Variants in STK24 observed in about 807,000 individuals in gnomAD.
The protein encoded by STK24 is serine/threonine-protein kinase 24.
STK24 carries 21 observed loss-of-function variants against 55.6 expected under a neutral mutation model. That is an observed-to-expected ratio of 0.38 (90% CI 0.27 to 0.54). The LOEUF (loss-of-function observed/expected upper bound fraction) is 0.54. STK24 is among the 20% of genes least tolerant of loss of function. The pLI is 0.79. For missense variants in STK24, 383 were observed against 538.4 expected (o/e 0.71, Z 2.86); for synonymous variants, 200 against 215.2 (o/e 0.93, Z 0.62).
intron 9 of STK24, among the ~76,000 whole-genome samples, chr13:98,458,560 C>T (rs1244977303): frequency 6.6e-6 from 1 of 152,118 alleles, no homozygotes; most frequent in Non-Finnish European, 1.5e-5. Flanking sequence ...CCGCCGGCCC[C>T]GAGGCGGCCA....
chr13:98,482,832 G>A (rs1189320400), intron 2 of STK24, among the ~76,000 whole-genome samples: 6 of 152,188 alleles, frequency 3.9e-5, no homozygotes, highest in African/African-American at 2.4e-5. Flanking sequence ...GGGCCGCCTA[G>A]CGTGGCCTCC....
chr13:98,483,404 A>G (rs1379761633), intron 2 of STK24, among the ~76,000 whole-genome samples: 5 of 152,168 alleles, frequency 3.3e-5, no homozygotes, highest in Non-Finnish European at 7.4e-5. Flanking sequence ...GAGGAAAAAA[A>G]AAGAAGAAAC....
At chr13:98,456,354 C>T in intron 10 of STK24, 1 of 392,416 alleles carries the variant, frequency 2.5e-6, no homozygotes, top group African/African-American at 2.1e-5. Flanking sequence ...GAGTCTCAGC[C>T]AGCTTTGGGA....
At chr13:98,457,810 G>A (rs138669955) in intron 9 of STK24, among the ~76,000 whole-genome samples, 94 of 152,296 alleles carry the variant, frequency 6.2e-4, no homozygotes, top group African/African-American at 2.2e-3. Flanking sequence ...TGCTCTGAGA[G>A]CAGTTATGTA....
chr13:98,575,397 G>A (rs959360477), intron 1 of STK24, among the ~76,000 whole-genome samples: 1 of 124,054 alleles, frequency 8.1e-6, no homozygotes, highest in African/African-American at 3.0e-5. Context: ...TATATATACT[G>A]CTTATATATA....
chr13:98,502,391 C>G (rs988181972), intron 2 of STK24, among the ~76,000 whole-genome samples: 6 of 152,154 alleles, frequency 3.9e-5, no homozygotes, highest in Non-Finnish European at 7.4e-5. Flanking sequence ...GTCTTAGGAT[C>G]AAGTGGGAAC....
At chr13:98,503,419 A>G (rs897439541) in intron 2 of STK24, among the ~76,000 whole-genome samples, 4 of 152,246 alleles carry the variant, frequency 2.6e-5, no homozygotes, top group African/African-American at 9.6e-5. Flanking sequence ...CTGAAGCTAG[A>G]ATTCATTTGG....
intron 1 of STK24, among the ~76,000 whole-genome samples, chr13:98,536,970 G>A (rs1030600248): frequency 4.6e-5 from 7 of 152,052 alleles, no homozygotes; most frequent in African/African-American, 7.3e-5. Flanking sequence ...ACACTGGCCG[G>A]AGCCCGCCCC....
chr13:98,466,487 G>A lies in STK24; in HGVS notation c.672C>T (p.Pro224=), dbSNP rs764146591. ...TTGGAATGAGGAATAAAACTTTCAT[G>A]GGGTGCAGCTCGGAATGAGGTGGTT... ...RGEPPHSELH[P]MKVLFLIPKN... is the part of the protein sequence containing the mutation. The change falls in exon 6 of 11, where the codon CCC becomes CCT. Residue 224 remains proline (P), a synonymous_variant. Transcript: ENST00000539966. 1 of 1,613,992 alleles carries A rather than the reference G, an allele frequency of 6.2e-7. No individual in the cohort carries two copies. Among genetic ancestry groups the A allele is most frequent in the African/African-American group, 1.3e-5 (1 of 74,914 alleles).
chr13:98,502,249 T>C (rs1246869018), intron 2 of STK24, among the ~76,000 whole-genome samples: 1 of 152,178 alleles, frequency 6.6e-6, no homozygotes, highest in Admixed American at 6.5e-5. Context: ...ATCTGCTATG[T>C]TCCTATCTGC....
intron 3 of STK24, 133 bp from the exon 4 acceptor site, chr13:98,475,491 T>C: frequency 1.6e-6 from 1 of 626,270 alleles, no homozygotes; most frequent in East Asian, 2.9e-5. Context: ...TTAAAACACA[T>C]GATTTTGCCC....
intron 5 of STK24, among the ~76,000 whole-genome samples, chr13:98,473,669 G>A (rs1594587446): frequency 6.6e-6 from 1 of 152,240 alleles, no homozygotes; most frequent in East Asian, 1.9e-4. Flanking sequence ...GGGGGGTGGG[G>A]GAACCCATCA....
chr13:98,503,024 G>GTTTTTATTTTTT (rs1895540930), intron 2 of STK24, among the ~76,000 whole-genome samples: 1 of 107,084 alleles, frequency 9.3e-6, no homozygotes, highest in Non-Finnish European at 1.8e-5. Flanking sequence ...CTTTCCATGT[G>GTTTTTATTTTTT]TTTTTTTTTT....
chr13:98,486,324 G>C (rs1002099479), intron 2 of STK24, among the ~76,000 whole-genome samples: 11 of 152,154 alleles, frequency 7.2e-5, no homozygotes, highest in African/African-American at 1.9e-4. Context: ...GGGAAGGTAG[G>C]ACAACAGACA....
chr13:98,469,238 A>T (rs1483143755), intron 5 of STK24, among the ~76,000 whole-genome samples: 5 of 152,218 alleles, frequency 3.3e-5, no homozygotes, highest in Admixed American at 2.0e-4. Context: ...GAGGGCAGCC[A>T]GTACAGCACC....
chr13:98,503,838 G>A (rs1477354894), intron 2 of STK24, among the ~76,000 whole-genome samples: 1 of 152,178 alleles, frequency 6.6e-6, no homozygotes, highest in East Asian at 1.9e-4. Flanking sequence ...AGATGTGACT[G>A]CCCCCAGGAA....
chr13:98,545,007 G>A (rs1896994369), intron 1 of STK24, among the ~76,000 whole-genome samples: 1 of 152,050 alleles, frequency 6.6e-6, no homozygotes, highest in African/African-American at 2.4e-5. Context: ...TAAGCAAAAG[G>A]CAAAAACCCC....
chr13:98,463,098 A>T (rs184547173), intron 7 of STK24, among the ~76,000 whole-genome samples: 16 of 152,282 alleles, frequency 1.1e-4, no homozygotes, highest in African/African-American at 2.9e-4. Context: ...CTGTGGGCCA[A>T]CTTTAACTTC....
intron 1 of STK24, among the ~76,000 whole-genome samples, chr13:98,530,978 G>T (rs1896565812): frequency 6.6e-6 from 1 of 152,182 alleles, no homozygotes; most frequent in Admixed American, 6.5e-5. Context: ...TAGATTTTTA[G>T]TATGGCTGAA....
Sources: allele counts gnomAD v4.1 joint callset (sites outside exome capture counted in the v4.1 genomes callset), GRCh38; gene constraint gnomAD v4.1.1; transcripts MANE v1.5; gene names NCBI Gene and HGNC (gene_info 2026-07-23, HGNC 2026-07-21).